Variants in CTNNA2 observed in about 807,000 individuals in gnomAD.
CTNNA2 encodes catenin alpha-2.
In CTNNA2, 42 loss-of-function variants were observed where a neutral mutation model predicts 101.0. The observed-to-expected ratio is 0.42, with a 90% CI of 0.32 to 0.54. The LOEUF (loss-of-function observed/expected upper bound fraction) is 0.54, where lower values mean the gene tolerates loss of function less well. CTNNA2 is among the 20% of genes least tolerant of loss of function. The pLI is 0.14. For missense variants in CTNNA2, 871 were observed against 1,223.1 expected (o/e 0.71, Z 4.29); for synonymous variants, 450 against 456.4 (o/e 0.99, Z 0.18).
chr2:79,281,541 T>C (rs916731064), intron 2 of CTNNA2: 13 of 152,232 alleles, frequency 8.5e-5, no homozygotes, highest in Non-Finnish European at 1.8e-4. Flanking sequence ...CAACTGTGAG[T>C]ACTACTCTGA....
chr2:80,110,151 G>C (rs1385069861), intron 7 of CTNNA2, among the ~76,000 whole-genome samples: 1 of 152,148 alleles, frequency 6.6e-6, no homozygotes, highest in East Asian at 1.9e-4. Flanking sequence ...TAGTGAAAGA[G>C]CTACCCACCA....
At chr2:80,271,201 C>A (rs1053341782) in intron 7 of CTNNA2, among the ~76,000 whole-genome samples, 29 of 152,228 alleles carry the variant, frequency 1.9e-4, no homozygotes, top group African/African-American at 7.0e-4. Context: ...GTCTTTATCC[C>A]CCCCTTGGGT....
chr2:79,905,472 G>A (rs780095181), intron 6 of CTNNA2, among the ~76,000 whole-genome samples: 6 of 152,260 alleles, frequency 3.9e-5, no homozygotes, highest in East Asian at 1.9e-4. Flanking sequence ...CATAAGAGCC[G>A]GTCACAGGAG....
At chr2:79,568,420 G>A (rs764573481) in intron 1 of CTNNA2, among the ~76,000 whole-genome samples, 1 of 151,668 alleles carries the variant, frequency 6.6e-6, no homozygotes, top group Non-Finnish European at 1.5e-5. Context: ...TGGCCAACAT[G>A]GTGAAACCCC....
intron 7 of CTNNA2, among the ~76,000 whole-genome samples, chr2:80,018,145 A>C (rs2104079304): frequency 6.6e-6 from 1 of 152,344 alleles, no homozygotes; most frequent in African/African-American, 2.4e-5. Context: ...TTCATAAATT[A>C]AGAAAGATGT....
chr2:79,412,041 T>C, intron 4 of CTNNA2, among the ~76,000 whole-genome samples: 1 of 151,752 alleles, frequency 6.6e-6, no homozygotes, highest in Non-Finnish European at 1.5e-5. Context: ...AATAAAAGGA[T>C]GGAGGAAGAT....
At chr2:80,123,869 T>C (rs764551387) in intron 7 of CTNNA2, among the ~76,000 whole-genome samples, 1 of 152,140 alleles carries the variant, frequency 6.6e-6, no homozygotes, top group Admixed American at 6.6e-5. Flanking sequence ...TCCGTCTCTC[T>C]AGTTTAGTAA....
intron 2 of CTNNA2, among the ~76,000 whole-genome samples, chr2:79,247,617 A>G (rs947412630): frequency 1.3e-5 from 2 of 152,226 alleles, no homozygotes; most frequent in African/African-American, 4.8e-5. Flanking sequence ...AATACAACCT[A>G]TGACTAACCA....
In CTNNA2 at chr2:79,434,563, T is replaced by C. The variant is rs572994720; in HGVS notation, c.-135+60550T>C. Among the ~76,000 whole-genome samples, 80 of 152,282 alleles carry C rather than the reference T, an allele frequency of 5.3e-4. 1 individual carries two copies. The highest frequency in any genetic ancestry group is 1.9e-3 in the African/African-American group (77 of 41,570). ...GTCCTGCAGGAATGGAGTCAGCCAG[T>C]GTGAGAGTTCCACAGGGCTGAGGCT... On this transcript the variant is annotated intron_variant, in intron 4 of 21. Coordinates refer to the CTNNA2 transcript ENST00000466387.
chr2:80,032,187 G>A (rs1257833089), intron 7 of CTNNA2, among the ~76,000 whole-genome samples: 5 of 151,926 alleles, frequency 3.3e-5, no homozygotes, highest in Non-Finnish European at 5.9e-5. Context: ...GGAGCGTTTT[G>A]AAAGGATCCA....
intron 7 of CTNNA2, among the ~76,000 whole-genome samples, chr2:80,268,692 G>A (rs932597483): frequency 6.6e-6 from 1 of 152,122 alleles, no homozygotes; most frequent in Non-Finnish European, 1.5e-5. Context: ...ATTTAATTTA[G>A]TTCAGTCCTA....
chr2:79,674,801 T>C (rs1683077518), intron 2 of CTNNA2, among the ~76,000 whole-genome samples: 1 of 152,226 alleles, frequency 6.6e-6, no homozygotes. Flanking sequence ...AAAACCGAAA[T>C]TCAAGAAACA....
At chr2:80,163,066 C>T (rs908292017) in intron 7 of CTNNA2, 1 of 1,568,282 alleles carries the variant, frequency 6.4e-7, no homozygotes, top group Non-Finnish European at 8.8e-7. Flanking sequence ...GGAACAGATA[C>T]TTCATGTTTG....
chr2:79,423,584 T>C (rs1215804265), intron 4 of CTNNA2, among the ~76,000 whole-genome samples: 1 of 152,184 alleles, frequency 6.6e-6, no homozygotes, highest in Non-Finnish European at 1.5e-5. Context: ...AAAAATTGAA[T>C]GGTCTCTACC....
intron 4 of CTNNA2, among the ~76,000 whole-genome samples, chr2:79,453,959 C>T (rs553404203): frequency 6.6e-6 from 1 of 152,208 alleles, no homozygotes; most frequent in Non-Finnish European, 1.5e-5. Context: ...ACTTCTGGTG[C>T]TAAAAGCAAG....
intron 9 of CTNNA2, among the ~76,000 whole-genome samples, chr2:80,523,009 C>A (rs1462066279): frequency 1.3e-5 from 2 of 152,010 alleles, no homozygotes; most frequent in East Asian, 1.9e-4. Context: ...AGCTATCAAC[C>A]AACTCAGAAA....
chr2:79,973,411 A>G (rs2104578648), intron 7 of CTNNA2, among the ~76,000 whole-genome samples: 1 of 152,292 alleles, frequency 6.6e-6, no homozygotes, highest in South Asian at 2.1e-4. Context: ...CTTGCAAGCT[A>G]GAGATATTAT....
intron 3 of CTNNA2, among the ~76,000 whole-genome samples, chr2:79,774,605 G>A (rs893641030): frequency 5.3e-5 from 8 of 152,168 alleles, no homozygotes; most frequent in African/African-American, 1.4e-4. Context: ...ATAGTTAACA[G>A]AGCTGTAGGA....
chr2:80,009,700 G>A (rs1397020225), intron 7 of CTNNA2, among the ~76,000 whole-genome samples: 1 of 150,676 alleles, frequency 6.6e-6, no homozygotes, highest in Admixed American at 6.6e-5. Context: ...TAGAAAAAAT[G>A]TAGACTATAC....
Sources: allele counts gnomAD v4.1 joint callset (sites outside exome capture counted in the v4.1 genomes callset), GRCh38; gene constraint gnomAD v4.1.1; transcripts MANE v1.5; gene names NCBI Gene and HGNC (gene_info 2026-07-23, HGNC 2026-07-21).